The following MICAL2 variants were observed in gnomAD, a reference collection of about 807,000 sequenced individuals.
MICAL2 encodes the protein [F-actin]-monooxygenase MICAL2.
In MICAL2, 77 loss-of-function variants were observed where a neutral mutation model predicts 127.3. The observed-to-expected ratio is 0.60, with a 90% CI of 0.50 to 0.73. The LOEUF (loss-of-function observed/expected upper bound fraction) is 0.73, where lower values mean the gene tolerates loss of function less well. Ranked by LOEUF, MICAL2 falls within the 30% of genes least tolerant of loss-of-function variation. The pLI, the probability that MICAL2 is intolerant of heterozygous loss-of-function variation, is 0.00. For missense variants in MICAL2, 1,351 were observed against 1,434.4 expected, an observed-to-expected ratio of 0.94 and a Z score of 0.94; for synonymous variants, 570 against 551.1, an observed-to-expected ratio of 1.03 and a Z score of -0.48.
At chr11:12,261,095 G>T (rs757354765) in intron 26 of MICAL2, 21 of 985,402 alleles carry the variant, frequency 2.1e-5, no homozygotes, top group African/African-American at 5.2e-5. Context: ...AGGCCAAGTG[G>T]AGTGGAAGAC....
chr11:12,234,167 C>G lies in MICAL2; in HGVS notation c.1996-2010C>G, dbSNP rs1029359283. On this transcript the variant is annotated intron_variant, in intron 15 of 27. Transcript: ENST00000683283. ...CTCCCCAGGAATGCCCTTCATAAGC[C>G]CATGGCTAATATGGCTGTCTTCAAT... Among the ~76,000 whole-genome samples, 9 of 152,230 alleles carry G rather than the reference C, an allele frequency of 5.9e-5. No individual in the cohort carries two copies. The South Asian group carries it at 8.3e-4, about 14-fold the overall frequency.
intron 29 of MICAL2, among the ~76,000 whole-genome samples, chr11:12,299,673 A>T (rs140417506): frequency 3.9e-5 from 6 of 152,196 alleles, no homozygotes; most frequent in Admixed American, 1.3e-4. Context: ...AAACGTTTTT[A>T]TTGCAGTATT....
chr11:12,240,899 C>A (rs1440944564), intron 17 of MICAL2, 141 bp from the exon 18 acceptor site: 2 of 1,114,046 alleles, frequency 1.8e-6, no homozygotes, highest in African/African-American at 1.6e-5. Context: ...CTTGCGGGAG[C>A]TCAGCCCAGT....
chr11:12,149,247 G>A (rs559506663), intron 2 of MICAL2, among the ~76,000 whole-genome samples: 12 of 152,236 alleles, frequency 7.9e-5, no homozygotes, highest in East Asian at 1.9e-4. Context: ...ATGAGGGGGC[G>A]GGGAAGTGAT....
At chr11:12,190,806 A>T (rs973229745) in intron 3 of MICAL2, among the ~76,000 whole-genome samples, 1 of 152,234 alleles carries the variant, frequency 6.6e-6, no homozygotes, top group East Asian at 1.9e-4. Flanking sequence ...CCAGATAAAC[A>T]TCTTTAAGTA....
chr11:12,199,258 A>G (rs1265593924), intron 3 of MICAL2, among the ~76,000 whole-genome samples: 1 of 152,186 alleles, frequency 6.6e-6, no homozygotes, highest in African/African-American at 2.4e-5. Flanking sequence ...AGTTGCAAGG[A>G]TGAAACACAC....
intron 2 of MICAL2, among the ~76,000 whole-genome samples, chr11:12,146,846 T>C (rs925857032): frequency 3.9e-5 from 6 of 152,096 alleles, no homozygotes; most frequent in African/African-American, 1.4e-4. Context: ...ATTAAGAAAA[T>C]GTGGCAATAT....
At chr11:12,335,631 T>C (rs1040707711) in intron 32 of MICAL2, among the ~76,000 whole-genome samples, 20 of 152,206 alleles carry the variant, frequency 1.3e-4, no homozygotes, top group African/African-American at 4.6e-4. Context: ...AATTTTTGTA[T>C]AAGGTGTAAG....
At chr11:12,263,987 C>T (rs775714386), downstream of MICAL2, among the ~76,000 whole-genome samples, 6 of 152,108 alleles carry the variant, frequency 3.9e-5, no homozygotes, top group Non-Finnish European at 7.4e-5. Context: ...TGCTCCTGGG[C>T]TAGGCTTTGG....
intron 3 of MICAL2, among the ~76,000 whole-genome samples, chr11:12,192,032 T>C (rs1859224377): frequency 1.3e-5 from 2 of 151,954 alleles, no homozygotes; most frequent in African/African-American, 4.8e-5. Flanking sequence ...AAATAACTTC[T>C]TGGAACCCCC....
intron 2 of MICAL2, among the ~76,000 whole-genome samples, chr11:12,156,388 A>G (rs1199076361): frequency 6.6e-6 from 1 of 152,184 alleles, no homozygotes; most frequent in Non-Finnish European, 1.5e-5. Context: ...GCTTTGGAGA[A>G]GTGGAACTTA....
intron 33 of MICAL2, among the ~76,000 whole-genome samples, chr11:12,352,376 G>A (rs1396477656): frequency 6.6e-6 from 1 of 152,206 alleles, no homozygotes; most frequent in Non-Finnish European, 1.5e-5. Flanking sequence ...ACATAGGCAC[G>A]TGCATAGCAC....
At chr11:12,182,102 A>T (rs1857549520) in intron 3 of MICAL2, among the ~76,000 whole-genome samples, 1 of 152,236 alleles carries the variant, frequency 6.6e-6, no homozygotes, top group Non-Finnish European at 1.5e-5. Context: ...AAATTATTGT[A>T]AGGTGTTAGA....
downstream of MICAL2, among the ~76,000 whole-genome samples, chr11:12,264,833 G>A (rs143034005): frequency 1.3e-5 from 2 of 152,232 alleles, no homozygotes; most frequent in African/African-American, 4.8e-5. Context: ...GCAAATGTTT[G>A]TCCTAGGCCT....
downstream of MICAL2, among the ~76,000 whole-genome samples, chr11:12,289,738 T>A (rs183447285): frequency 4.6e-5 from 7 of 151,994 alleles, no homozygotes; most frequent in East Asian, 1.4e-3. Flanking sequence ...CTGGCTAATT[T>A]TTGTATTTTT....
At chr11:12,129,090 T>C (rs1246806513) in intron 1 of MICAL2, among the ~76,000 whole-genome samples, 2 of 152,194 alleles carry the variant, frequency 1.3e-5, no homozygotes, top group African/African-American at 4.8e-5. Context: ...TATATAGATG[T>C]GGGTGTAGGT....
At chr11:12,187,848 G>A (rs982954218) in intron 3 of MICAL2, among the ~76,000 whole-genome samples, 1 of 151,574 alleles carries the variant, frequency 6.6e-6, no homozygotes, top group South Asian at 2.1e-4. Context: ...CCTTTCTTCA[G>A]TCTCGTCTTT....
intron 11 of MICAL2, 37 bp from the exon 12 acceptor site, chr11:12,223,374 G>A (rs1412536346): frequency 6.3e-6 from 10 of 1,583,706 alleles, no homozygotes; most frequent in Non-Finnish European, 6.9e-6. Context: ...GGATTTGGGG[G>A]AAAACTGGTG....
chr11:12,323,098 C>T (rs1254603180), intron 30 of MICAL2, among the ~76,000 whole-genome samples: 6 of 152,102 alleles, frequency 3.9e-5, no homozygotes, highest in Non-Finnish European at 7.4e-5. Context: ...TTTTTAAGTG[C>T]CTCCTGAACT....
Sources: gnomAD v4.1 joint callset for allele counts (sites outside exome capture counted in the v4.1 genomes callset) on GRCh38, gnomAD v4.1.1 for gene constraint, MANE v1.5 for transcripts, NCBI Gene and HGNC (gene_info 2026-07-23, HGNC 2026-07-21) for gene names.